WDR7: variants seen among roughly 807,000 people sequenced by gnomAD.
The protein encoded by WDR7 is WD repeat domain 7.
Under a neutral mutation model 169.4 loss-of-function variants are expected in WDR7, and 46 were observed. The observed-to-expected ratio is 0.27, with a 90% confidence interval of 0.21 to 0.35. WDR7 has a LOEUF of 0.35. Among genes scored for constraint, WDR7 ranks in the 10% least tolerant of loss-of-function variants. The probability of loss-of-function intolerance (pLI) is 1.00; values close to 1 mark genes in which losing one functional copy is unlikely to be tolerated. For missense variants in WDR7, 1,534 were observed against 1,859.3 expected (o/e 0.83, Z 3.22); for synonymous variants, 612 against 666.8 (o/e 0.92, Z 1.27).
intron 26 of WDR7, among the ~76,000 whole-genome samples, chr18:56,986,594 G>C (rs775974953): frequency 6.6e-6 from 1 of 152,054 alleles, no homozygotes; most frequent in Non-Finnish European, 1.5e-5. Flanking sequence ...AGCCTTAGTG[G>C]GCTGCCTCTG....
intron 21 of WDR7, among the ~76,000 whole-genome samples, chr18:56,891,906 C>T (rs1266278858): frequency 6.6e-6 from 1 of 152,020 alleles, no homozygotes; most frequent in Non-Finnish European, 1.5e-5. Context: ...CCTTATTTCT[C>T]ATTTCAACCA....
At chr18:56,940,109 G>A (rs962262745) in intron 25 of WDR7, among the ~76,000 whole-genome samples, 22 of 152,134 alleles carry the variant, frequency 1.4e-4, no homozygotes, top group African/African-American at 4.3e-4. Flanking sequence ...CCATGCGGTC[G>A]TTAGAAATAG....
At chr18:56,710,561 A>C (rs1285941412) in intron 12 of WDR7, among the ~76,000 whole-genome samples, 2 of 152,250 alleles carry the variant, frequency 1.3e-5, no homozygotes, top group East Asian at 3.9e-4. Context: ...TACAATATTG[A>C]ATGTGTTTGT....
chr18:56,842,955 A>G (rs1440523698), intron 20 of WDR7, among the ~76,000 whole-genome samples: 1 of 152,032 alleles, frequency 6.6e-6, no homozygotes, highest in Admixed American at 6.5e-5. Context: ...CCTGCTGCCT[A>G]TTGCTTCTCT....
intron 13 of WDR7, among the ~76,000 whole-genome samples, chr18:56,725,415 AT>A (rs1384604319): frequency 3.3e-5 from 5 of 151,678 alleles, no homozygotes; most frequent in Non-Finnish European, 7.4e-5. Flanking sequence ...GATGATGAGC[AT>A]TTTTTCATGT....
In WDR7 at chr18:56,733,840, T is replaced by A. The variant is rs142481908; in HGVS notation, c.1989+2243T>A. 1.7e-4 allele frequency among the ~76,000 whole-genome samples: 26 copies of A among 152,288 alleles called. No individual in the cohort carries two copies. In the East Asian group the frequency reaches 4.4e-3, roughly 26 times the overall value. On this transcript the variant is annotated intron_variant, in intron 14 of 27. Transcript: ENST00000254442. ...ATGATAACTTATATATTTATCTAAT[T>A]CTCCCTACTGAAATTCAGTCTTTTT... is the stretch of plus-strand genomic sequence containing the variant.
At chr18:56,921,829 G>A (rs1047085613) in intron 21 of WDR7, among the ~76,000 whole-genome samples, 10 of 152,168 alleles carry the variant, frequency 6.6e-5, no homozygotes, top group Non-Finnish European at 1.3e-4. Flanking sequence ...TGTCCAGAGC[G>A]GTGAGGAAGC....
At chr18:56,766,760 A>T (rs981461254) in intron 16 of WDR7, among the ~76,000 whole-genome samples, 1 of 151,866 alleles carries the variant, frequency 6.6e-6, no homozygotes, top group Non-Finnish European at 1.5e-5. Context: ...GGGTCTTAAA[A>T]TTTTTTTTCC....
At chr18:56,757,420 G>A (rs1416903681) in intron 15 of WDR7, 68 bp downstream of exon 15, 4 of 1,404,958 alleles carry the variant, frequency 2.8e-6, no homozygotes, top group South Asian at 1.6e-5. Flanking sequence ...TTTTTTCATT[G>A]TTGATTACTC....
chr18:56,900,110 A>ATATATATATATATATATATATAT (rs1568256012), intron 21 of WDR7, among the ~76,000 whole-genome samples: 4 of 147,816 alleles, frequency 2.7e-5, no homozygotes, highest in Non-Finnish European at 4.5e-5. Flanking sequence ...ATATATATAT[A>ATATATATATATATATATATATAT]AAATTGTTAA....
chr18:57,020,712 C>G (rs775048057), intron 26 of WDR7, 33 bp from the exon 27 acceptor site: 37 of 1,596,536 alleles, frequency 2.3e-5, no homozygotes, highest in Non-Finnish European at 3.0e-5. Flanking sequence ...CTGTGAAATG[C>G]TTATCATTCA....
At chr18:56,656,939 T>A (rs1275421676) in intron 1 of WDR7, among the ~76,000 whole-genome samples, 2 of 152,156 alleles carry the variant, frequency 1.3e-5, no homozygotes, top group Non-Finnish European at 2.9e-5. Flanking sequence ...GGTATACTAT[T>A]TTTTAAGTAG....
At chr18:57,014,770 G>C (rs563279263) in intron 26 of WDR7, among the ~76,000 whole-genome samples, 3 of 152,058 alleles carry the variant, frequency 2.0e-5, no homozygotes, top group East Asian at 3.9e-4. Context: ...AGCTTGGAGA[G>C]AGTTTAAGGA....
chr18:56,652,198 G>A (rs538861625), intron 1 of WDR7, among the ~76,000 whole-genome samples: 3 of 152,216 alleles, frequency 2.0e-5, no homozygotes, highest in South Asian at 2.1e-4. Flanking sequence ...TACCCACTTA[G>A]TATGTCACTT....
At chr18:56,830,690 C>T (rs991588454) in intron 20 of WDR7, among the ~76,000 whole-genome samples, 3 of 152,294 alleles carry the variant, frequency 2.0e-5, no homozygotes, top group Non-Finnish European at 4.4e-5. Context: ...GATCTTTCAG[C>T]GGGTCTGGCT....
chr18:56,861,237 T>A (rs1209747870), intron 20 of WDR7, among the ~76,000 whole-genome samples: 1 of 152,238 alleles, frequency 6.6e-6, no homozygotes, highest in Non-Finnish European at 1.5e-5. Context: ...TAAACTGCCT[T>A]TTTTCATGCC....
In WDR7 at chr18:56,732,840, A is replaced by G. The variant is rs925121669; in HGVS notation, c.1989+1243A>G. Among the ~76,000 whole-genome samples the G allele has an allele frequency of 4.6e-5, 7 of 152,212 alleles. No homozygotes were observed. In the East Asian group the frequency reaches 9.6e-4, roughly 21 times the overall value. The stretch of plus-strand genomic sequence containing the variant: ...TTCATAGCACATTTTCTGACATGAT[A>G]TGTAATTTGATTTTGAGCAAATTTA... On this transcript the variant is annotated intron_variant, in intron 14 of 27. Coordinates refer to ENST00000254442, the MANE Select transcript of WDR7 (RefSeq NM_015285.3).
intron 14 of WDR7, among the ~76,000 whole-genome samples, chr18:56,740,975 T>C (rs1361024184): frequency 6.6e-6 from 1 of 152,156 alleles, no homozygotes; most frequent in Non-Finnish European, 1.5e-5. Context: ...ATGGTCCTAC[T>C]GCTTGCTTGA....
Position 56,747,071 on chromosome 18 carries a change from G to A in WDR7, c.1990-9512G>A, listed in dbSNP as rs528326647. ...TTCATTGAATCACTAAATAACCCAG[G>A]ATTTGAAGGTTCACTAATGTGGAGT... On this transcript the variant is annotated intron_variant, in intron 14 of 27. Coordinates refer to ENST00000254442, the MANE Select transcript of WDR7 (RefSeq NM_015285.3). 2.0e-5 allele frequency among the ~76,000 whole-genome samples: 3 copies of A among 152,284 alleles called. No individual in the cohort carries two copies. In the South Asian group the frequency reaches 6.2e-4, roughly 32 times the overall value.
Sources: allele counts gnomAD v4.1 joint callset (sites outside exome capture counted in the v4.1 genomes callset), GRCh38; gene constraint gnomAD v4.1.1; transcripts MANE v1.5; gene names NCBI Gene and HGNC (gene_info 2026-07-23, HGNC 2026-07-21).